The following TANC1 variants were observed in gnomAD, a reference collection of about 807,000 sequenced individuals.
The protein encoded by TANC1 is tetratricopeptide repeat, ankyrin repeat and coiled-coil containing 1.
Under a neutral mutation model 149.7 loss-of-function variants are expected in TANC1, and 77 were observed. The observed-to-expected ratio is 0.51, with a 90% confidence interval of 0.43 to 0.62. The LOEUF is 0.62. Among genes scored for constraint, TANC1 ranks in the 20% least tolerant of loss-of-function variants. TANC1 has a pLI of 0.00. For synonymous variants in TANC1, 854 were observed against 925.0 expected, an observed-to-expected ratio of 0.92 and a Z score of 1.39; for missense variants, 1,985 against 2,321.8, an observed-to-expected ratio of 0.85 and a Z score of 2.98.
chr2:159,034,153 G>A (rs780489295), intron 2 of TANC1, among the ~76,000 whole-genome samples: 31 of 152,156 alleles, frequency 2.0e-4, no homozygotes, highest in African/African-American at 4.6e-4. Flanking sequence ...CAAAGCAGCC[G>A]GACTCAATGC....
intron 6 of TANC1, 57 bp from the exon 7 acceptor site, chr2:159,150,313 A>G (rs909020786): frequency 6.4e-6 from 9 of 1,413,960 alleles, no homozygotes; most frequent in South Asian, 2.5e-5. Flanking sequence ...AAACAAAAGC[A>G]TGTGTCGAAG....
intron 3 of TANC1, among the ~76,000 whole-genome samples, chr2:159,096,627 A>C (rs912252722): frequency 6.6e-6 from 1 of 152,176 alleles, no homozygotes; most frequent in African/African-American, 2.4e-5. Flanking sequence ...CTAGGGTTGG[A>C]CCACACAGTC....
Position 158,987,231 on chromosome 2 carries a change from AAG to A in TANC1, c.-125-13846_-125-13845del, listed in dbSNP as rs1553511737. Among the ~76,000 whole-genome samples the A allele has an allele frequency of 9.9e-4, 148 of 149,500 alleles. 1 individual carries two copies. The highest frequency in any genetic ancestry group is 3.5e-3 in the African/African-American group (143 of 40,738). ...TCATCTCCAAAAAAAAAAAAAAAAA[AAG>A]AGTCACTGAAGGCTGGGTATGGTGG... On this transcript the variant is annotated intron_variant, in intron 1 of 26. Coordinates refer to ENST00000263635, the MANE Select transcript of TANC1 (RefSeq NM_033394.3).
At chr2:159,228,260 G>A in intron 25 of TANC1, 1 of 359,928 alleles carries the variant, frequency 2.8e-6, no homozygotes. Flanking sequence ...GTTGCTGCTG[G>A]CACTGCCGTC....
intron 1 of TANC1, among the ~76,000 whole-genome samples, chr2:158,984,731 G>A (rs887054598): frequency 1.2e-4 from 18 of 152,052 alleles, no homozygotes; most frequent in Admixed American, 3.9e-4. Flanking sequence ...AGGGAGGAGG[G>A]GGAGGAGGTG....
intron 1 of TANC1, among the ~76,000 whole-genome samples, chr2:158,987,786 A>G (rs906631051): frequency 6.6e-6 from 1 of 152,100 alleles, no homozygotes; most frequent in African/African-American, 2.4e-5. Context: ...GTGGGAAGGT[A>G]GTTTTGGGAA....
intron 1 of TANC1, among the ~76,000 whole-genome samples, chr2:158,996,441 G>T (rs1412019049): frequency 6.6e-6 from 1 of 152,162 alleles, no homozygotes; most frequent in Non-Finnish European, 1.5e-5. Context: ...CATACTTTTT[G>T]CTGTATAACT....
At chr2:159,173,315 T>G (rs1367361873) in intron 11 of TANC1, among the ~76,000 whole-genome samples, 1 of 152,200 alleles carries the variant, frequency 6.6e-6, no homozygotes, top group East Asian at 1.9e-4. Flanking sequence ...TCTAAATTGA[T>G]TTCAAGGCCG....
intron 2 of TANC1, chr2:159,056,041 A>G: frequency 3.1e-6 from 1 of 320,898 alleles, no homozygotes; most frequent in Non-Finnish European, 6.2e-6. Context: ...GTTGATAGGC[A>G]TCTTCAAGAA....
At chr2:159,013,200 G>A (rs1229212184) in intron 2 of TANC1, among the ~76,000 whole-genome samples, 2 of 152,148 alleles carry the variant, frequency 1.3e-5, no homozygotes, top group African/African-American at 2.4e-5. Flanking sequence ...AATCAATTAT[G>A]TATTTAGGGA....
In TANC1 at chr2:159,231,261, T is replaced by C. The variant is rs1185152485; in HGVS notation, c.*249T>C. 2.7e-5 allele frequency: 10 copies of C among 369,544 alleles called. No individual in the cohort carries two copies. Among genetic ancestry groups the C allele is most frequent in the Non-Finnish European group, 3.9e-5 (8 of 205,696 alleles). The allele number at this position is 369,544 out of a possible 1,614,324, so 22.9% of individuals were successfully genotyped here. A position where few individuals can be genotyped will look rare whatever the true frequency, so the allele number is the denominator to read the frequency against. The stretch of plus-strand genomic sequence containing the variant: ...AATTTTAAGACAGCCCAGAAGACAT[T>C]AATGACTCTCACTTATGAAATTGTT... On this transcript the variant is annotated 3_prime_UTR_variant, in exon 27 of 27. Transcript: ENST00000263635.
chr2:159,212,391 C>T (rs180901792), intron 19 of TANC1, among the ~76,000 whole-genome samples: 9 of 152,236 alleles, frequency 5.9e-5, no homozygotes, highest in Non-Finnish European at 8.8e-5. Flanking sequence ...GATCTTCTAG[C>T]GTAAGAATCA....
At chr2:159,124,558 AAAC>A in intron 4 of TANC1, among the ~76,000 whole-genome samples, 1 of 152,276 alleles carries the variant, frequency 6.6e-6, no homozygotes, top group Non-Finnish European at 1.5e-5. Flanking sequence ...CTCCTTGTGC[AAAC>A]AACAGAAGAG....
chr2:159,140,363 C>A (rs760118847), intron 5 of TANC1, among the ~76,000 whole-genome samples: 1 of 152,078 alleles, frequency 6.6e-6, no homozygotes, highest in Non-Finnish European at 1.5e-5. Flanking sequence ...CAACATTCAA[C>A]CAATGGTTGA....
chr2:158,990,365 T>G (rs1199283604), intron 1 of TANC1, among the ~76,000 whole-genome samples: 2 of 152,316 alleles, frequency 1.3e-5, no homozygotes, highest in East Asian at 3.9e-4. Flanking sequence ...TGTATCAAAC[T>G]GTAGGCAGTT....
At chr2:159,165,093 T>C (rs1463534511) in intron 8 of TANC1, among the ~76,000 whole-genome samples, 1 of 151,810 alleles carries the variant, frequency 6.6e-6, no homozygotes, top group East Asian at 1.9e-4. Flanking sequence ...ATAGTGAACT[T>C]GTGCTCAATT....
At chr2:158,977,094 A>C (rs2033770399) in intron 1 of TANC1, among the ~76,000 whole-genome samples, 1 of 152,026 alleles carries the variant, frequency 6.6e-6, no homozygotes, top group South Asian at 2.1e-4. Flanking sequence ...ATATGTTATA[A>C]ATTTTTTCCC....
At chr2:159,057,469 A>G (rs1252482998) in intron 2 of TANC1, among the ~76,000 whole-genome samples, 2 of 151,902 alleles carry the variant, frequency 1.3e-5, no homozygotes, top group Non-Finnish European at 1.5e-5. Flanking sequence ...CTAACCCAAC[A>G]CTCATTCCTT....
intron 5 of TANC1, among the ~76,000 whole-genome samples, chr2:159,139,231 G>A (rs1039285150): frequency 1.3e-5 from 2 of 151,970 alleles, no homozygotes; most frequent in Non-Finnish European, 2.9e-5. Context: ...AAAGGAAGGA[G>A]TTTGCACTCA....
Sources: gnomAD v4.1 joint callset for allele counts (sites outside exome capture counted in the v4.1 genomes callset) on GRCh38, gnomAD v4.1.1 for gene constraint, MANE v1.5 for transcripts, NCBI Gene and HGNC (gene_info 2026-07-23, HGNC 2026-07-21) for gene names.